The following CACNA2D4 variants were observed in gnomAD, a reference collection of about 807,000 sequenced individuals.
CACNA2D4 encodes the protein calcium voltage-gated channel auxiliary subunit alpha2delta 4, also known as voltage-dependent calcium channel subunit alpha-2/delta-4.
Under a neutral mutation model 163.8 loss-of-function variants are expected in CACNA2D4, and 157 were observed. The observed-to-expected ratio is 0.96, with a 90% CI of 0.84 to 1.09. CACNA2D4 has a LOEUF of 1.09. Ranked by LOEUF, CACNA2D4 falls within the 50% of genes least tolerant of loss-of-function variation. The pLI is 0.00. For synonymous variants in CACNA2D4, 598 were observed against 586.9 expected (o/e 1.02, Z -0.27); for missense variants, 1,410 against 1,479.9 (o/e 0.95, Z 0.78).
chr12:1,853,880 A>AG lies in CACNA2D4; in HGVS notation c.2246+70dup, dbSNP rs1226126010. ...CCTGAGCCACCAGCCAGATGGTGAG[A>AG]GGGGTCCCAACTTAGCCAAGGGAAT... On this transcript the variant is annotated intron_variant, in intron 23 of 37. Transcript: ENST00000382722. 5.8e-6 allele frequency: 7 copies of AG among 1,210,560 alleles called. No homozygotes were observed. The African/African-American group carries it at 1.0e-4, about 18-fold the overall frequency. The allele number at this position is 1,210,560 out of a possible 1,614,324, so 75.0% of individuals were successfully genotyped here. A position where few individuals can be genotyped will look rare whatever the true frequency, so the allele number is the denominator to read the frequency against.
rs963078751 is a variant in CACNA2D4 at position 1,826,412 on chromosome 12, C to G, written c.2551+14327G>C. Among the ~76,000 whole-genome samples, 64 of 41,704 alleles carry G rather than the reference C, an allele frequency of 1.5e-3. No individual in the cohort carries two copies. In the East Asian group the frequency reaches 0.035, roughly 23 times the overall value. 27.4% of individuals were successfully genotyped at this position (41,704 alleles called of 152,430 possible). ...ATTTGAACCCAGAGCCCCCCCCCCC[C>G]CCCCGCCAACTGGCACCAGGAGCCC... is the stretch of plus-strand genomic sequence containing the variant. On this transcript the variant is annotated intron_variant, in intron 26 of 37. Transcript: ENST00000382722.
chr12:1,833,616 C>A lies in CACNA2D4; in HGVS notation c.2551+7123G>T, dbSNP rs1438608089. On this transcript the variant is annotated intron_variant, in intron 26 of 37. Transcript: ENST00000382722. This position sits in a 1 kb window ranked among gnomAD's most constrained non-coding sequence, Gnocchi z 4.2. ...GGCTGTGGTTGGGGCACCGATGGGG[C>A]CATTGGATTGCTCCTAAGGAGGAGA... 6.6e-6 allele frequency among the ~76,000 whole-genome samples: 1 copy of A among 152,216 alleles called. No individual in the cohort carries two copies.
At chr12:1,835,310 A>G (rs1477136336) in intron 26 of CACNA2D4, 2 of 153,470 alleles carry the variant, frequency 1.3e-5, no homozygotes, top group Non-Finnish European at 2.9e-5. Context: ...GGCCGACGCC[A>G]TCATGCCCCT....
chr12:1,812,188 C>G (rs1363147623), intron 26 of CACNA2D4, among the ~76,000 whole-genome samples: 1 of 152,194 alleles, frequency 6.6e-6, no homozygotes, highest in Non-Finnish European at 1.5e-5. Context: ...GGATCTTAAC[C>G]TGGTGTAACC....
At chr12:1,803,234 A>C (rs1863398542) in intron 29 of CACNA2D4, among the ~76,000 whole-genome samples, 1 of 152,236 alleles carries the variant, frequency 6.6e-6, no homozygotes, top group East Asian at 1.9e-4. Context: ...TTCTGAAGGG[A>C]ACAGAGATGT....
chr12:1,912,494 G>A (rs1472757363), intron 3 of CACNA2D4, among the ~76,000 whole-genome samples: 2 of 152,208 alleles, frequency 1.3e-5, no homozygotes, highest in Non-Finnish European at 2.9e-5. Context: ...CTGCCCGGGT[G>A]GCCCTCAGAG....
chr12:1,889,583 C>T lies in CACNA2D4; in HGVS notation c.782-2514G>A, dbSNP rs532296482. ...AAGGGAACCTCCTGCCTCAGCCGCC[C>T]CCCCCAGTAGCTGGAACTATAGGTA... On this transcript the variant is annotated intron_variant, in intron 6 of 37. Transcript: ENST00000382722. Among the ~76,000 whole-genome samples, 584 of 138,948 alleles carry T rather than the reference C, an allele frequency of 4.2e-3. 2 individuals are homozygous for T. Among genetic ancestry groups the T allele is most frequent in the African/African-American group, 0.018 (568 of 31,168 alleles). 91.2% of individuals were successfully genotyped at this position (138,948 alleles called of 152,430 possible).
rs928227505 is a variant in CACNA2D4 at position 1,914,853 on chromosome 12, C to A, written c.309+1G>T. 2 of 1,611,552 alleles carry A rather than the reference C, an allele frequency of 1.2e-6. No homozygotes were observed. The highest frequency in any genetic ancestry group is 2.2e-5 in the South Asian group (2 of 91,030). ...GGGCTCTCTGGAAGGGGGTGACTGA[C>A]CTTCTGCAGCAAGAGAGAGCCTGAG... On this transcript the variant is annotated splice_donor_variant, in intron 2 of 37. Coordinates refer to ENST00000382722, the MANE Select transcript of CACNA2D4 (RefSeq NM_172364.5). LOFTEE classifies it high-confidence loss of function.
At chr12:1,812,864 G>A (rs1260030660) in intron 26 of CACNA2D4, among the ~76,000 whole-genome samples, 3 of 152,194 alleles carry the variant, frequency 2.0e-5, no homozygotes, top group South Asian at 2.1e-4. Context: ...TCTGTGAAAC[G>A]GGAACGGATG....
Position 1,874,523 on chromosome 12 carries a change from C to T in CACNA2D4, c.1878+81G>A. On this transcript the variant is annotated intron_variant, in intron 18 of 37. Coordinates refer to ENST00000382722, the MANE Select transcript of CACNA2D4 (RefSeq NM_172364.5). The surrounding 1 kb of genome is among the most constrained non-coding windows in gnomAD (Gnocchi z 4.4). The stretch of plus-strand genomic sequence containing the variant: ...CTCTTCAGCTATAATTAGGCTAAGT[C>T]CAGGTCCCTCGTCACTACTCCAAAC... The T allele has an allele frequency of 1.1e-6, 1 of 943,504 alleles. No individual in the cohort carries two copies. The highest frequency in any genetic ancestry group is 1.4e-5 in the South Asian group (1 of 71,496). 58.4% of individuals were successfully genotyped at this position (943,504 alleles called of 1,614,324 possible). A position where few individuals can be genotyped will look rare whatever the true frequency, so the allele number is the denominator to read the frequency against.
At chr12:1,912,591 G>A (rs924895055) in intron 3 of CACNA2D4, among the ~76,000 whole-genome samples, 1 of 152,164 alleles carries the variant, frequency 6.6e-6, no homozygotes, top group Non-Finnish European at 1.5e-5. Context: ...GAGGGGAGGG[G>A]GGAGCTTGGC....
At chr12:1,854,859 G>A (rs1485996304) in intron 22 of CACNA2D4, among the ~76,000 whole-genome samples, 1 of 152,034 alleles carries the variant, frequency 6.6e-6, no homozygotes, top group Non-Finnish European at 1.5e-5. Context: ...CTTTATTGAG[G>A]TAAAATTCAC....
intron 6 of CACNA2D4, among the ~76,000 whole-genome samples, chr12:1,892,254 T>C (rs566333581): frequency 4.9e-4 from 74 of 152,328 alleles, no homozygotes; most frequent in Non-Finnish European, 8.7e-4. Flanking sequence ...AATGAGATGA[T>C]ATATTCAAAT....
chr12:1,903,568 G>A (rs761049367), intron 6 of CACNA2D4, among the ~76,000 whole-genome samples: 1 of 151,948 alleles, frequency 6.6e-6, no homozygotes, highest in Non-Finnish European at 1.5e-5. Flanking sequence ...AAATCTGAAT[G>A]TACGTGTCTC....
intron 6 of CACNA2D4, among the ~76,000 whole-genome samples, chr12:1,891,269 C>G (rs1866274819): frequency 1.3e-5 from 2 of 152,210 alleles, no homozygotes; most frequent in African/African-American, 4.8e-5. Flanking sequence ...TTCACCACAG[C>G]CTCCACTAAC....
Position 1,905,719 on chromosome 12 carries a change from C to A in CACNA2D4, c.781+1721G>T, listed in dbSNP as rs11834495. On this transcript the variant is annotated intron_variant, in intron 6 of 37. Coordinates refer to ENST00000382722, the MANE Select transcript of CACNA2D4 (RefSeq NM_172364.5). ...ATTAAGGACAGAAATAATGGAAACACATTCCATATTCATGGACTGAAATAC... is the reference window on the plus strand; with the variant it reads ...ATTAAGGACAGAAATAATGGAAACAAATTCCATATTCATGGACTGAAATAC... Among the ~76,000 whole-genome samples, 1,419 of 152,236 alleles carry A rather than the reference C, an allele frequency of 9.3e-3. 19 individuals are homozygous for A. The highest frequency in any genetic ancestry group is 0.033 in the African/African-American group (1,355 of 41,554).
At chr12:1,868,215 C>T (rs1865695498) in intron 18 of CACNA2D4, among the ~76,000 whole-genome samples, 1 of 152,172 alleles carries the variant, frequency 6.6e-6, no homozygotes, top group African/African-American at 2.4e-5. Context: ...ACTGAAGTAT[C>T]TGTTGATGGA....
chr12:1,846,477 G>T, intron 24 of CACNA2D4, 117 bp downstream of exon 24: 1 of 775,448 alleles, frequency 1.3e-6, no homozygotes, highest in Non-Finnish European at 2.1e-6. Flanking sequence ...GGCTCCCAGG[G>T]GTCCAGCATG....
At chr12:1,871,139 GGT>G (rs56140005) in intron 18 of CACNA2D4, among the ~76,000 whole-genome samples, 14,507 of 150,444 alleles carry the variant, frequency 0.096, 805 homozygotes, top group African/African-American at 0.12. Context: ...GTGTGTTGCT[GGT>G]GTGTGTGTAC....
Sources: gnomAD v4.1 joint callset for allele counts (sites outside exome capture counted in the v4.1 genomes callset) on GRCh38, gnomAD v4.1.1 for gene constraint, Gnocchi (gnomAD v3.1) non-coding constraint, MANE v1.5 for transcripts, NCBI Gene and HGNC (gene_info 2026-07-23, HGNC 2026-07-21) for gene names.